The following PRSS23 variants were observed in gnomAD, a reference collection of about 807,000 sequenced individuals.
PRSS23 encodes serine protease 23, also known as protease, serine 23.
PRSS23 carries 25 observed loss-of-function variants against 34.7 expected under a neutral mutation model. The observed-to-expected ratio is 0.72, with a 90% confidence interval of 0.53 to 1.01. The LOEUF is 1.01. PRSS23 is among the 50% of genes least tolerant of loss of function. The probability of loss-of-function intolerance (pLI) is 0.00; values close to 1 mark genes in which losing one functional copy is unlikely to be tolerated. For missense variants in PRSS23, 445 were observed against 475.6 expected (o/e 0.94, Z 0.60); for synonymous variants, 176 against 186.6 (o/e 0.94, Z 0.46).
At chr11:86,851,728 C>T (rs1565365981) in intron 2 of PRSS23, among the ~76,000 whole-genome samples, 1 of 152,194 alleles carries the variant, frequency 6.6e-6, no homozygotes, top group Non-Finnish European at 1.5e-5. Context: ...GCATAGACCA[C>T]AGAGCTAAGA....
intron 2 of PRSS23, among the ~76,000 whole-genome samples, chr11:86,824,155 A>G (rs924617459): frequency 5.9e-5 from 9 of 151,472 alleles, no homozygotes; most frequent in Non-Finnish European, 8.8e-5. Flanking sequence ...AAAAACTTCA[A>G]AAATTAGCCG....
chr11:86,874,522 T>A (rs1167928566), intron 2 of PRSS23, among the ~76,000 whole-genome samples: 1 of 152,208 alleles, frequency 6.6e-6, no homozygotes, highest in Non-Finnish European at 1.5e-5. Flanking sequence ...CATGCTGTCA[T>A]AATCAGGGAT....
intron 2 of PRSS23, among the ~76,000 whole-genome samples, chr11:86,939,656 A>G (rs1171534139): frequency 6.6e-6 from 1 of 151,476 alleles, no homozygotes; most frequent in Non-Finnish European, 1.5e-5. Flanking sequence ...TTTCTGAAGG[A>G]GGATGTTTTT....
chr11:86,917,563 C>G (rs1949021746), intron 2 of PRSS23, among the ~76,000 whole-genome samples: 1 of 152,130 alleles, frequency 6.6e-6, no homozygotes, highest in Non-Finnish European at 1.5e-5. Flanking sequence ...ACATTTGTGT[C>G]CTAACTCTTT....
At chr11:86,872,747 C>T (rs1195925244) in intron 2 of PRSS23, among the ~76,000 whole-genome samples, 1 of 152,164 alleles carries the variant, frequency 6.6e-6, no homozygotes, top group African/African-American at 2.4e-5. Flanking sequence ...ACTGAACAAC[C>T]CACCAGGAGT....
At chr11:86,945,080 C>T (rs1024043836) in intron 2 of PRSS23, among the ~76,000 whole-genome samples, 16 of 152,102 alleles carry the variant, frequency 1.1e-4, no homozygotes, top group African/African-American at 3.9e-4. Flanking sequence ...TTGCTTTGTC[C>T]GATGACTTTT....
chr11:86,882,404 T>G (rs987432480), intron 2 of PRSS23, among the ~76,000 whole-genome samples: 5 of 152,188 alleles, frequency 3.3e-5, no homozygotes, highest in Non-Finnish European at 7.4e-5. Context: ...TTCCCCTCTA[T>G]GTGTCCATGT....
intron 2 of PRSS23, among the ~76,000 whole-genome samples, chr11:86,878,233 C>CCTCACTCTCCCTCATCTCCGT (rs1948738927): frequency 1.2e-5 from 1 of 84,798 alleles, no homozygotes; most frequent in Non-Finnish European, 2.1e-5. Context: ...TACCCCTCCC[C>CCTCACTCTCCCTCATCTCCGT]CTCCCTCTCC....
chr11:86,912,025 C>T (rs1259398356), intron 2 of PRSS23: 1 of 152,224 alleles, frequency 6.6e-6, no homozygotes, highest in Non-Finnish European at 1.5e-5. Flanking sequence ...ATTCCTCCCG[C>T]CTCGGCCTCT....
chr11:86,934,760 G>A (rs1949150123), intron 2 of PRSS23: 1 of 152,206 alleles, frequency 6.6e-6, no homozygotes. Flanking sequence ...CAAGATAGTG[G>A]TGGGTAATCA....
intron 2 of PRSS23, among the ~76,000 whole-genome samples, chr11:86,851,149 G>T (rs559921119): frequency 6.6e-6 from 1 of 152,252 alleles, no homozygotes; most frequent in Admixed American, 6.5e-5. Flanking sequence ...GAACTTCATG[G>T]TCTTCCAACA....
chr11:86,840,992 C>CT (rs1948443122), intron 2 of PRSS23, among the ~76,000 whole-genome samples: 4 of 151,984 alleles, frequency 2.6e-5, no homozygotes, highest in African/African-American at 9.6e-5. Context: ...GCACTAAATG[C>CT]CCACAAGAGA....
chr11:86,888,282 T>A lies in PRSS23; in HGVS notation c.207-62934T>A, dbSNP rs570737911. On this transcript the variant is annotated intron_variant, in intron 2 of 2. Transcript: ENST00000533902. The stretch of plus-strand genomic sequence containing the variant: ...GGGGAATTTTAAAAGACTAGACTAT[T>A]TTCTAAGAGGAAGAAAGAACACATG... Among the ~76,000 whole-genome samples the A allele has an allele frequency of 2.6e-4, 40 of 152,278 alleles. 1 individual carries two copies. Among genetic ancestry groups the A allele is most frequent in the African/African-American group, 9.6e-4 (40 of 41,548 alleles).
chr11:86,890,261 T>G (rs1301331628), intron 2 of PRSS23, among the ~76,000 whole-genome samples: 1 of 149,990 alleles, frequency 6.7e-6, no homozygotes, highest in Non-Finnish European at 1.5e-5. Context: ...CAGAGTGAGA[T>G]TCCATCTCCA....
intron 2 of PRSS23, among the ~76,000 whole-genome samples, chr11:86,907,837 C>T (rs1209978259): frequency 5.3e-5 from 8 of 152,120 alleles, no homozygotes; most frequent in Admixed American, 3.9e-4. Flanking sequence ...AGAACTTATC[C>T]AGCTGCATAA....
chr11:86,950,202 G>C (rs1949277926), intron 2 of PRSS23: 4 of 152,590 alleles, frequency 2.6e-5, no homozygotes, highest in Admixed American at 2.6e-4. Flanking sequence ...CGTCTGCATA[G>C]ATGCAATCAC....
chr11:86,911,989 C>T (rs1948981366), intron 2 of PRSS23: 1 of 152,244 alleles, frequency 6.6e-6, no homozygotes, highest in Admixed American at 6.5e-5. Context: ...GTTGCCCAGA[C>T]TGGTCTTGAA....
intron 2 of PRSS23, chr11:86,936,579 T>C (rs1030606832): frequency 6.6e-6 from 1 of 152,288 alleles, no homozygotes; most frequent in African/African-American, 2.4e-5. Flanking sequence ...CCAATTACTT[T>C]TTTTAATGTG....
chr11:86,858,785 C>T (rs1185855772), intron 2 of PRSS23, among the ~76,000 whole-genome samples: 2 of 151,798 alleles, frequency 1.3e-5, no homozygotes, highest in East Asian at 3.9e-4. Context: ...CCCAATATCG[C>T]AGAGGGTGTA....
Sources: allele counts gnomAD v4.1 joint callset (sites outside exome capture counted in the v4.1 genomes callset), GRCh38; gene constraint gnomAD v4.1.1; transcripts MANE v1.5; gene names NCBI Gene and HGNC (gene_info 2026-07-23, HGNC 2026-07-21).